The following BLTP3B variants were observed in gnomAD, a reference collection of about 807,000 sequenced individuals.
BLTP3B encodes the protein bridge-like lipid transfer protein family member 3B, also known as UHRF1 (ICBP90) binding protein 1-like.
At chr12:100,048,201 G>A in the BLTP3B span, 2 of 1,569,256 alleles carry the variant, frequency 1.3e-6, no homozygotes, top group South Asian at 1.2e-5. Flanking sequence ...CGGAACCTAA[G>A]GAAAATGAAC....
chr12:100,130,643 C>T, the BLTP3B span, among the ~76,000 whole-genome samples: 5 of 152,140 alleles, frequency 3.3e-5, no homozygotes, highest in Non-Finnish European at 2.9e-5. Flanking sequence ...GGGCTGGGCG[C>T]GGTGGCTCAT....
chr12:100,065,189 G>A, the BLTP3B span, among the ~76,000 whole-genome samples: 24 of 151,822 alleles, frequency 1.6e-4, no homozygotes, highest in African/African-American at 5.8e-4. Flanking sequence ...TCTTAATCCT[G>A]TTATCTTCGT....
chr12:100,098,565 A>G, the BLTP3B span: 1 of 1,587,522 alleles, frequency 6.3e-7, no homozygotes, highest in Non-Finnish European at 8.6e-7. Flanking sequence ...GCAAAACAAA[A>G]TACACTAATG....
At chr12:100,116,278 G>T in the BLTP3B span, among the ~76,000 whole-genome samples, 1 of 151,384 alleles carries the variant, frequency 6.6e-6, no homozygotes. Flanking sequence ...GAAGTAGTGA[G>T]ACCTCATCTG....
At chr12:100,038,335 G>A in the BLTP3B span, among the ~76,000 whole-genome samples, 3 of 151,950 alleles carry the variant, frequency 2.0e-5, no homozygotes, top group Admixed American at 2.0e-4. Flanking sequence ...TGTGTCATCA[G>A]ACATTTTCTT....
At chr12:100,087,687 T>A in the BLTP3B span, among the ~76,000 whole-genome samples, 2 of 152,226 alleles carry the variant, frequency 1.3e-5, no homozygotes, top group African/African-American at 4.8e-5. Context: ...TTTCAGAGCC[T>A]TTTGGATTTC....
At chr12:100,124,933 ATT>A in the BLTP3B span, among the ~76,000 whole-genome samples, 43 of 45,078 alleles carry the variant, frequency 9.5e-4, 1 homozygote, top group East Asian at 2.6e-3. Flanking sequence ...AAAAAAAAAA[ATT>A]TTATATATAT....
At chr12:100,063,824 T>C in the BLTP3B span, among the ~76,000 whole-genome samples, 3 of 151,766 alleles carry the variant, frequency 2.0e-5, no homozygotes, top group African/African-American at 7.3e-5. Flanking sequence ...TGAGAGAGCC[T>C]ACCCAAATGA....
the BLTP3B span, among the ~76,000 whole-genome samples, chr12:100,107,332 TATAATA>T: frequency 1.0e-2 from 1,405 of 141,062 alleles, 36 homozygotes; most frequent in African/African-American, 0.036. Flanking sequence ...AATAATAAGT[TATAATA>T]ATAATAATAA....
chr12:100,125,990 G>C, the BLTP3B span, among the ~76,000 whole-genome samples: 1 of 152,176 alleles, frequency 6.6e-6, no homozygotes, highest in East Asian at 1.9e-4. Context: ...AGATATCCAG[G>C]TGCAGTGGCT....
the BLTP3B span, chr12:100,047,773 A>G: frequency 3.8e-6 from 4 of 1,060,264 alleles, no homozygotes; most frequent in Admixed American, 3.0e-5. Context: ...TGCCTGTTAT[A>G]TATTTCCTAA....
At chr12:100,110,461 T>C in the BLTP3B span, among the ~76,000 whole-genome samples, 1 of 152,076 alleles carries the variant, frequency 6.6e-6, no homozygotes, top group Non-Finnish European at 1.5e-5. Flanking sequence ...CCCTGCCACT[T>C]CCCTGAGGCA....
chr12:100,095,392 C>T, the BLTP3B span, among the ~76,000 whole-genome samples: 1 of 152,150 alleles, frequency 6.6e-6, no homozygotes, highest in African/African-American at 2.4e-5. Context: ...TAAAACTGTA[C>T]TCTTTTAACT....
the BLTP3B span, among the ~76,000 whole-genome samples, chr12:100,126,812 T>C: frequency 6.6e-6 from 1 of 152,222 alleles, no homozygotes; most frequent in South Asian, 2.1e-4. Context: ...AATCTGGTGA[T>C]GAGAGATATT....
At chr12:100,124,761 T>C in the BLTP3B span, among the ~76,000 whole-genome samples, 1 of 133,302 alleles carries the variant, frequency 7.5e-6, no homozygotes, top group South Asian at 2.4e-4. Context: ...ATAATAATAA[T>C]AAAAATAAAA....
At chr12:100,060,786 C>A in the BLTP3B span, among the ~76,000 whole-genome samples, 10 of 152,236 alleles carry the variant, frequency 6.6e-5, no homozygotes, top group Admixed American at 2.0e-4. Flanking sequence ...CCTTGAAGAT[C>A]TTTTATTCTA....
At chr12:100,125,393 C>T in the BLTP3B span, among the ~76,000 whole-genome samples, 1 of 148,872 alleles carries the variant, frequency 6.7e-6, no homozygotes, top group Non-Finnish European at 1.5e-5. Flanking sequence ...CTAACGACTA[C>T]AATCTCAACA....
the BLTP3B span, chr12:100,095,874 AG>A: frequency 4.6e-6 from 7 of 1,516,384 alleles, no homozygotes; most frequent in Non-Finnish European, 6.2e-6. Flanking sequence ...AATTAAGCCA[AG>A]ATATAAACCT....
At chr12:100,129,166 C>A in the BLTP3B span, among the ~76,000 whole-genome samples, 1 of 151,532 alleles carries the variant, frequency 6.6e-6, no homozygotes, top group African/African-American at 2.4e-5. Flanking sequence ...CTCATTTCAC[C>A]GAGAATACTG....
Sources: gnomAD v4.1 joint callset for allele counts (sites outside exome capture counted in the v4.1 genomes callset) on GRCh38, gnomAD v4.1.1 for gene constraint, MANE v1.5 for transcripts, NCBI Gene and HGNC (gene_info 2026-07-23, HGNC 2026-07-21) for gene names.